RBFOX1: variants seen among roughly 807,000 people sequenced by gnomAD.
The protein encoded by RBFOX1 is RNA binding protein fox-1 homolog 1.
Under a neutral mutation model 57.7 loss-of-function variants are expected in RBFOX1, and 8 were observed. That is an observed-to-expected ratio of 0.14 (90% CI 0.08 to 0.25). RBFOX1 has a LOEUF of 0.25. Among genes scored for constraint, RBFOX1 ranks in the 10% least tolerant of loss-of-function variants. The probability of loss-of-function intolerance (pLI) is 1.00; values close to 1 mark genes in which losing one functional copy is unlikely to be tolerated. For synonymous variants in RBFOX1, 326 were observed against 222.4 expected (o/e 1.47, Z -4.15); for missense variants, 611 against 548.5 (o/e 1.11, Z -1.14).
intron 3 of RBFOX1, among the ~76,000 whole-genome samples, chr16:6,947,618 T>A (rs890617599): frequency 9.2e-5 from 14 of 152,240 alleles, no homozygotes; most frequent in Admixed American, 1.3e-4. Flanking sequence ...AGGAAAACTG[T>A]TCCTGGTTCC....
intron 4 of RBFOX1, among the ~76,000 whole-genome samples, chr16:7,138,394 C>G (rs1022387294): frequency 9.2e-5 from 14 of 152,138 alleles, no homozygotes; most frequent in African/African-American, 3.4e-4. Flanking sequence ...ATGGGCAAGT[C>G]ATGTAACTTT....
intron 4 of RBFOX1, among the ~76,000 whole-genome samples, chr16:5,973,198 A>G (rs1076381): frequency 0.033 from 5,066 of 152,306 alleles, 288 homozygotes; most frequent in African/African-American, 0.11. Context: ...CTTACCGTCA[A>G]AAATATTAGG....
At chr16:6,352,973 T>C (rs1328402101) in intron 2 of RBFOX1, among the ~76,000 whole-genome samples, 1 of 152,148 alleles carries the variant, frequency 6.6e-6, no homozygotes, top group Non-Finnish European at 1.5e-5. Flanking sequence ...GAAACAATTA[T>C]TTCAAGAGGC....
chr16:5,421,224 T>A (rs1409665315), intron 1 of RBFOX1, among the ~76,000 whole-genome samples: 1 of 151,722 alleles, frequency 6.6e-6, no homozygotes, highest in Non-Finnish European at 1.5e-5. Flanking sequence ...ACCAGGGTGG[T>A]CTCGAAATCC....
chr16:7,055,954 C>G (rs2052063510), intron 4 of RBFOX1, among the ~76,000 whole-genome samples: 1 of 152,086 alleles, frequency 6.6e-6, no homozygotes, highest in South Asian at 2.1e-4. Context: ...ATTTCTCTGC[C>G]AACATTGAAT....
chr16:5,408,937 C>G (rs1310194562), intron 1 of RBFOX1, among the ~76,000 whole-genome samples: 2 of 152,212 alleles, frequency 1.3e-5, no homozygotes, highest in Non-Finnish European at 2.9e-5. Context: ...CGTTCACCTC[C>G]CACCAGGCCC....
chr16:6,995,805 TA>T (rs2153621430), intron 3 of RBFOX1, among the ~76,000 whole-genome samples: 1 of 152,154 alleles, frequency 6.6e-6, no homozygotes, highest in Admixed American at 6.6e-5. Flanking sequence ...GGCTTTGAGG[TA>T]AAAGCTAGAG....
At chr16:7,708,721 G>A (rs1019374250) in intron 14 of RBFOX1, among the ~76,000 whole-genome samples, 8 of 152,166 alleles carry the variant, frequency 5.3e-5, no homozygotes, top group Admixed American at 5.2e-4. Context: ...CTTAATACTT[G>A]AAGTTGTTTC....
chr16:5,424,556 A>G (rs1219436788), intron 1 of RBFOX1, among the ~76,000 whole-genome samples: 5 of 148,340 alleles, frequency 3.4e-5, no homozygotes, highest in African/African-American at 1.2e-4. Context: ...CGTTTATTTT[A>G]TAGCTAACGC....
chr16:7,191,805 C>G (rs889672527), intron 4 of RBFOX1, among the ~76,000 whole-genome samples: 1 of 152,162 alleles, frequency 6.6e-6, no homozygotes, highest in Non-Finnish European at 1.5e-5. Flanking sequence ...CAACTGTAAG[C>G]ATAGCCTTCT....
chr16:7,373,456 C>G (rs964917267), intron 4 of RBFOX1, among the ~76,000 whole-genome samples: 6 of 152,166 alleles, frequency 3.9e-5, no homozygotes, highest in South Asian at 2.1e-4. Context: ...TGTGAGACCA[C>G]TAAGTGATGT....
intron 3 of RBFOX1, among the ~76,000 whole-genome samples, chr16:5,849,128 G>A (rs545353698): frequency 5.9e-5 from 9 of 152,082 alleles, no homozygotes; most frequent in Non-Finnish European, 1.2e-4. Context: ...CCATTGGAGC[G>A]TCGTTGGGGT....
At chr16:6,780,195 ATATTTT>A (rs2080521961) in intron 3 of RBFOX1, among the ~76,000 whole-genome samples, 1 of 35,522 alleles carries the variant, frequency 2.8e-5, no homozygotes, top group African/African-American at 2.6e-4. Flanking sequence ...ATATATTTAT[ATATTTT>A]TATATATTTA....
intron 4 of RBFOX1, among the ~76,000 whole-genome samples, chr16:7,418,774 G>GTCTCTATCTCTA (rs61482131): frequency 0.31 from 46,834 of 151,524 alleles, 8,900 homozygotes; most frequent in East Asian, 0.61. Flanking sequence ...CTGTGTCTGT[G>GTCTCTATCTCTA]TCTCTATCTC....
chr16:6,400,871 A>T (rs934302098), intron 2 of RBFOX1, among the ~76,000 whole-genome samples: 3 of 152,210 alleles, frequency 2.0e-5, no homozygotes, highest in African/African-American at 4.8e-5. Context: ...TTCCAGTGAA[A>T]GAGCAAGACT....
chr16:5,251,601 TA>T (rs2062454924), intron 1 of RBFOX1, among the ~76,000 whole-genome samples: 1 of 152,100 alleles, frequency 6.6e-6, no homozygotes, highest in African/African-American at 2.4e-5. Context: ...TAATTACTTT[TA>T]TATTAAAGCC....
intron 3 of RBFOX1, among the ~76,000 whole-genome samples, chr16:6,951,148 C>G (rs1000091886): frequency 6.6e-6 from 1 of 152,136 alleles, no homozygotes; most frequent in African/African-American, 2.4e-5. Flanking sequence ...CTCAACAAAT[C>G]CTCCAGCATC....
chr16:7,328,965 C>G (rs1034667003), intron 4 of RBFOX1, among the ~76,000 whole-genome samples: 1 of 151,938 alleles, frequency 6.6e-6, no homozygotes, highest in Non-Finnish European at 1.5e-5. Context: ...TGGCTGGAAA[C>G]TTTTTTTAAA....
chr16:7,709,930 C>T, intron 15 of RBFOX1: 2 of 1,035,690 alleles, frequency 1.9e-6, no homozygotes, highest in African/African-American at 1.7e-5. Context: ...AATATCAGTC[C>T]TTACCCTAAA....
Sources: allele counts gnomAD v4.1 joint callset (sites outside exome capture counted in the v4.1 genomes callset), GRCh38; gene constraint gnomAD v4.1.1; transcripts MANE v1.5; gene names NCBI Gene and HGNC (gene_info 2026-07-23, HGNC 2026-07-21).